DLG2: variants seen among roughly 807,000 people sequenced by gnomAD.
DLG2 encodes the protein discs large MAGUK scaffold protein 2, also known as disks large homolog 2.
DLG2 carries 45 observed loss-of-function variants against 132.5 expected under a neutral mutation model. That is an observed-to-expected ratio of 0.34 (90% CI 0.27 to 0.44). The LOEUF (loss-of-function observed/expected upper bound fraction) is 0.44. Ranked by LOEUF, DLG2 falls within the 20% of genes least tolerant of loss-of-function variation. The pLI, the probability that DLG2 is intolerant of heterozygous loss-of-function variation, is 1.00. For synonymous variants in DLG2, 424 were observed against 419.6 expected (o/e 1.01, Z -0.13); for missense variants, 1,045 against 1,196.9 (o/e 0.87, Z 1.87).
At chr11:84,268,762 A>T (rs536885997) in intron 7 of DLG2, among the ~76,000 whole-genome samples, 2 of 152,190 alleles carry the variant, frequency 1.3e-5, no homozygotes, top group African/African-American at 4.8e-5. Context: ...CGCCCGGCCC[A>T]TCTCTTTTTT....
At chr11:85,357,704 T>TTATATATATATATA (rs58283704) in intron 3 of DLG2, among the ~76,000 whole-genome samples, 1 of 106,288 alleles carries the variant, frequency 9.4e-6, no homozygotes, top group Non-Finnish European at 1.9e-5. Context: ...CTGTTCTGAA[T>TTATATATATATATA]TATATATATA....
At chr11:85,390,282 A>G (rs1241825480) in intron 3 of DLG2, among the ~76,000 whole-genome samples, 1 of 152,134 alleles carries the variant, frequency 6.6e-6, no homozygotes, top group African/African-American at 2.4e-5. Flanking sequence ...TGATAAAAGG[A>G]CTAGTCCAAC....
chr11:85,546,818 C>CCTTTT (rs2076358677), intron 3 of DLG2, among the ~76,000 whole-genome samples: 1 of 69,000 alleles, frequency 1.4e-5, no homozygotes, highest in African/African-American at 6.1e-5. Context: ...ATAACCCCTG[C>CCTTTT]TTTTTTTTTT....
intron 6 of DLG2, among the ~76,000 whole-genome samples, chr11:84,643,631 A>G (rs561420425): frequency 3.7e-4 from 56 of 152,354 alleles, no homozygotes; most frequent in Non-Finnish European, 7.4e-4. Context: ...GATTTCACCC[A>G]TAACTTGAGA....
chr11:84,973,389 C>T lies in DLG2; in HGVS notation c.357+138272G>A, dbSNP rs1335994578. On this transcript the variant is annotated intron_variant, in intron 6 of 27. Transcript: ENST00000376104. The stretch of plus-strand genomic sequence containing the variant: ...ATTGTAGTAATCATGCAGCAAATGG[C>T]TTCTTATGTTCCTCGTGAAATGTAC... Among the ~76,000 whole-genome samples the T allele has an allele frequency of 3.9e-5, 6 of 152,270 alleles. No homozygotes were observed. In the East Asian group the frequency reaches 1.2e-3, roughly 29 times the overall value.
chr11:83,656,133 A>C (rs1435699371), intron 18 of DLG2, among the ~76,000 whole-genome samples: 1 of 152,258 alleles, frequency 6.6e-6, no homozygotes, highest in Non-Finnish European at 1.5e-5. Context: ...AAATGTTAAC[A>C]GATGGCATGC....
intron 6 of DLG2, among the ~76,000 whole-genome samples, chr11:84,959,068 C>T (rs547226972): frequency 1.3e-5 from 2 of 152,224 alleles, no homozygotes; most frequent in Non-Finnish European, 2.9e-5. Context: ...TCATTAGAGA[C>T]GCTTCCCACC....
intron 6 of DLG2, among the ~76,000 whole-genome samples, chr11:84,779,295 T>C (rs1400879713): frequency 1.3e-5 from 2 of 152,276 alleles, no homozygotes; most frequent in East Asian, 1.9e-4. Context: ...TTTTGTGAAA[T>C]TTATTCTCAG....
chr11:84,124,840 G>C (rs931323118), intron 9 of DLG2, among the ~76,000 whole-genome samples: 4 of 122,524 alleles, frequency 3.3e-5, no homozygotes, highest in African/African-American at 1.2e-4. Flanking sequence ...GAAATAACTT[G>C]TTTTCACTTT....
At chr11:84,287,217 A>G (rs1048918931) in intron 7 of DLG2, among the ~76,000 whole-genome samples, 8 of 152,146 alleles carry the variant, frequency 5.3e-5, no homozygotes, top group African/African-American at 1.9e-4. Context: ...CCCAGATTTT[A>G]TCATCTCACT....
chr11:85,278,686 C>T (rs1449231745), intron 4 of DLG2, among the ~76,000 whole-genome samples: 2 of 152,154 alleles, frequency 1.3e-5, no homozygotes, highest in Non-Finnish European at 2.9e-5. Context: ...ACATAGTTTT[C>T]TCCACCTGCA....
intron 15 of DLG2, among the ~76,000 whole-genome samples, chr11:83,897,371 A>C (rs2072057468): frequency 6.6e-6 from 1 of 152,212 alleles, no homozygotes; most frequent in Admixed American, 6.5e-5. Context: ...GGAAGAACAC[A>C]AACTACCCTT....
chr11:85,020,468 G>C (rs1462048963), intron 6 of DLG2, among the ~76,000 whole-genome samples: 1 of 152,148 alleles, frequency 6.6e-6, no homozygotes. Flanking sequence ...AGTTTAGTTA[G>C]ATCCCATTTG....
intron 6 of DLG2, among the ~76,000 whole-genome samples, chr11:84,562,980 G>A (rs1214300876): frequency 6.6e-6 from 1 of 151,912 alleles, no homozygotes; most frequent in Non-Finnish European, 1.5e-5. Flanking sequence ...TCAAACTGCT[G>A]GGCTCAAGTG....
chr11:84,016,952 A>C (rs2095222423), intron 11 of DLG2, among the ~76,000 whole-genome samples: 1 of 152,098 alleles, frequency 6.6e-6, no homozygotes, highest in Admixed American at 6.6e-5. Flanking sequence ...AGAGGAGAGT[A>C]TTCCCCAATG....
At chr11:84,773,139 C>G (rs1398844346) in intron 6 of DLG2, among the ~76,000 whole-genome samples, 2 of 152,062 alleles carry the variant, frequency 1.3e-5, no homozygotes, top group Non-Finnish European at 2.9e-5. Context: ...TCTCCAGAAA[C>G]CATTATGAAC....
chr11:84,764,433 T>C (rs1943708), intron 6 of DLG2, among the ~76,000 whole-genome samples: 41,714 of 152,000 alleles, frequency 0.27, 6,299 homozygotes, highest in Middle Eastern at 0.31. Flanking sequence ...CACCTAACAA[T>C]GATAGTTAAC....
chr11:83,788,339 T>C (rs1433866757), intron 17 of DLG2, among the ~76,000 whole-genome samples: 3 of 152,202 alleles, frequency 2.0e-5, no homozygotes, highest in Non-Finnish European at 4.4e-5. Flanking sequence ...CTTTCTAGTG[T>C]GGTGAACTCC....
At chr11:84,564,559 A>G (rs760390193) in intron 6 of DLG2, among the ~76,000 whole-genome samples, 2 of 152,190 alleles carry the variant, frequency 1.3e-5, no homozygotes, top group Non-Finnish European at 2.9e-5. Flanking sequence ...ACTGCCCAAA[A>G]TAGCACCTCC....
Sources: gnomAD v4.1 joint callset for allele counts (sites outside exome capture counted in the v4.1 genomes callset) on GRCh38, gnomAD v4.1.1 for gene constraint, MANE v1.5 for transcripts, NCBI Gene and HGNC (gene_info 2026-07-23, HGNC 2026-07-21) for gene names.